NEGR1: variants seen among roughly 807,000 people sequenced by gnomAD.
The protein encoded by NEGR1 is IgLON family member 4.
Under a neutral mutation model 40.9 loss-of-function variants are expected in NEGR1, and 10 were observed. The observed-to-expected ratio is 0.24, with a 90% CI of 0.15 to 0.42. The LOEUF is 0.42. NEGR1 is among the 10% of genes least tolerant of loss of function. NEGR1 has a pLI of 1.00. For synonymous variants in NEGR1, 185 were observed against 166.8 expected, an observed-to-expected ratio of 1.11 and a Z score of -0.84; for missense variants, 352 against 438.9, an observed-to-expected ratio of 0.80 and a Z score of 1.77.
intron 6 of NEGR1, among the ~76,000 whole-genome samples, chr1:71,436,010 A>G (rs1221527295): frequency 6.6e-6 from 1 of 152,152 alleles, no homozygotes; most frequent in Non-Finnish European, 1.5e-5. Context: ...AGGATTGTCA[A>G]TGTTATGGAA....
intron 2 of NEGR1, among the ~76,000 whole-genome samples, chr1:71,873,139 AGAC>A: frequency 2.0e-5 from 3 of 150,636 alleles, no homozygotes; most frequent in South Asian, 2.1e-4. Context: ...AAAAAAAAAA[AGAC>A]AAATAGAGTA....
At chr1:71,928,008 A>G (rs1339456452) in intron 2 of NEGR1, among the ~76,000 whole-genome samples, 2 of 110,620 alleles carry the variant, frequency 1.8e-5, no homozygotes, top group Non-Finnish European at 3.6e-5. Context: ...AGGAAAAAAT[A>G]AATAAATAAA....
At chr1:71,809,606 T>G (rs949052332) in intron 2 of NEGR1, among the ~76,000 whole-genome samples, 3 of 152,104 alleles carry the variant, frequency 2.0e-5, no homozygotes, top group Non-Finnish European at 4.4e-5. Context: ...AAGGTATCCA[T>G]AGCAATAATG....
intron 6 of NEGR1, among the ~76,000 whole-genome samples, chr1:71,575,794 A>AAAAACAAAAC (rs147061004): frequency 2.8e-4 from 42 of 151,296 alleles, no homozygotes; most frequent in East Asian, 1.4e-3. Context: ...AAACAAAAAC[A>AAAAACAAAAC]AAAACAAAAC....
chr1:72,086,835 C>G (rs1201995262), intron 1 of NEGR1, among the ~76,000 whole-genome samples: 1 of 151,896 alleles, frequency 6.6e-6, no homozygotes, highest in South Asian at 2.1e-4. Flanking sequence ...TATTAATCAT[C>G]CAATCTAAAA....
intron 4 of NEGR1, among the ~76,000 whole-genome samples, chr1:71,661,413 A>G (rs1281420732): frequency 6.6e-6 from 1 of 152,198 alleles, no homozygotes; most frequent in Admixed American, 6.5e-5. Context: ...TTAACTGTAT[A>G]ATGTAAAGGA....
intron 1 of NEGR1, among the ~76,000 whole-genome samples, chr1:72,171,632 T>C (rs1054480384): frequency 6.6e-6 from 1 of 152,186 alleles, no homozygotes; most frequent in Admixed American, 6.5e-5. Flanking sequence ...ATTGTCAAAA[T>C]TTACTCGATA....
chr1:72,280,381 G>A (rs1428681265), intron 1 of NEGR1, among the ~76,000 whole-genome samples: 1 of 152,174 alleles, frequency 6.6e-6, no homozygotes, highest in Non-Finnish European at 1.5e-5. Context: ...GGGTGGAAAT[G>A]GTAATGCTCA....
chr1:71,688,401 T>TAAAAA (rs1653128123), intron 4 of NEGR1, among the ~76,000 whole-genome samples: 1 of 33,552 alleles, frequency 3.0e-5, no homozygotes, highest in African/African-American at 9.4e-5. Context: ...AAAATATATA[T>TAAAAA]ATAAGATATA....
chr1:72,068,494 G>C (rs760971843), intron 1 of NEGR1, among the ~76,000 whole-genome samples: 1 of 152,078 alleles, frequency 6.6e-6, no homozygotes, highest in African/African-American at 2.4e-5. Context: ...CCAGTGCTTC[G>C]GTGTTTGGCT....
intron 1 of NEGR1, among the ~76,000 whole-genome samples, chr1:72,172,057 C>A (rs374239131): frequency 1.3e-4 from 20 of 152,158 alleles, no homozygotes; most frequent in African/African-American, 4.3e-4. Context: ...AAAGTAGTGG[C>A]TTGGAACTAA....
At chr1:71,690,861 A>C (rs2101621842) in intron 4 of NEGR1, among the ~76,000 whole-genome samples, 1 of 152,112 alleles carries the variant, frequency 6.6e-6, no homozygotes, top group Admixed American at 6.6e-5. Flanking sequence ...ACCTAAAAAC[A>C]ACTACAAACA....
intron 1 of NEGR1, among the ~76,000 whole-genome samples, chr1:72,022,528 A>G (rs1646770329): frequency 6.7e-6 from 1 of 150,144 alleles, no homozygotes; most frequent in East Asian, 1.9e-4. Context: ...ACACATATAT[A>G]TAATTCATAT....
At chr1:71,826,749 A>C (rs989000086) in intron 2 of NEGR1, among the ~76,000 whole-genome samples, 66 of 152,036 alleles carry the variant, frequency 4.3e-4, no homozygotes, top group African/African-American at 1.4e-3. Context: ...TGAATTGTTA[A>C]ATTTTCACTT....
At chr1:71,960,186 T>C (rs1197336155) in intron 1 of NEGR1, among the ~76,000 whole-genome samples, 1 of 152,172 alleles carries the variant, frequency 6.6e-6, no homozygotes, top group African/African-American at 2.4e-5. Flanking sequence ...ATAGCCTACT[T>C]ATTGGGCATC....
chr1:72,057,918 C>T (rs1647126652), intron 1 of NEGR1, among the ~76,000 whole-genome samples: 1 of 151,480 alleles, frequency 6.6e-6, no homozygotes, highest in African/African-American at 2.4e-5. Flanking sequence ...TTAATTACTT[C>T]CTAAAAGCCC....
intron 2 of NEGR1, among the ~76,000 whole-genome samples, chr1:71,933,188 C>T (rs1645871491): frequency 6.6e-6 from 1 of 151,886 alleles, no homozygotes; most frequent in Non-Finnish European, 1.5e-5. Flanking sequence ...AAAAAGAGTA[C>T]TATAGTAAGA....
intron 1 of NEGR1, among the ~76,000 whole-genome samples, chr1:72,096,323 A>T (rs2100233000): frequency 6.6e-6 from 1 of 152,254 alleles, no homozygotes; most frequent in Non-Finnish European, 1.5e-5. Context: ...AAAGTAAGTG[A>T]TTATTTATTA....
intron 1 of NEGR1, among the ~76,000 whole-genome samples, chr1:72,074,378 C>T (rs1647624804): frequency 6.6e-6 from 1 of 151,944 alleles, no homozygotes; most frequent in Non-Finnish European, 1.5e-5. Flanking sequence ...TTTAGTTATA[C>T]TTATATTAAT....
Sources: allele counts gnomAD v4.1 joint callset (sites outside exome capture counted in the v4.1 genomes callset), GRCh38; gene constraint gnomAD v4.1.1; transcripts MANE v1.5; gene names NCBI Gene and HGNC (gene_info 2026-07-23, HGNC 2026-07-21).